The following GDF7 variants were observed in gnomAD, a reference collection of about 807,000 sequenced individuals.
GDF7 encodes growth differentiation factor 7.
GDF7 carries 12 observed loss-of-function variants against 13.4 expected under a neutral mutation model. That is an observed-to-expected ratio of 0.90 (90% CI 0.57 to 1.45). The LOEUF (loss-of-function observed/expected upper bound fraction) is 1.45. Among genes scored for constraint, GDF7 ranks in the 40% most tolerant of loss-of-function variants. The pLI is 0.00. For missense variants in GDF7, 651 were observed against 652.4 expected, an observed-to-expected ratio of 1.00 and a Z score of 0.02; for synonymous variants, 330 against 306.4, an observed-to-expected ratio of 1.08 and a Z score of -0.80.
chr2:20,670,697 G>C lies in GDF7; in HGVS notation c.625G>C (p.Glu209Gln). The C allele has an allele frequency of 6.7e-7, 1 of 1,487,394 alleles. No homozygotes were observed. Among genetic ancestry groups the C allele is most frequent in the Non-Finnish European group, 8.9e-7 (1 of 1,123,906 alleles). 92.1% of individuals were successfully genotyped at this position (1,487,394 alleles called of 1,614,324 possible). ...AAEPLVGQRW[E>Q]AFDVADAMRR... ...TGAGCCCCTAGTCGGTCAGCGCTGG[G>C]AGGCGTTCGACGTGGCGGACGCCAT... is the stretch of plus-strand genomic sequence containing the variant. Residue 209 changes from glutamate (E) to glutamine (Q), a missense_variant, in exon 2 of 2, where the codon GAG (glutamate) becomes CAG (glutamine). By Grantham distance (29) the Glu-to-Gln change is conservative. Around this residue, in one of 4 missense-constraint regions of GDF7, gnomAD observed 487 missense variants for 445.9 expected, o/e 1.09. Transcript: ENST00000272224.
rs562242918 is a variant in GDF7 at position 20,672,397 on chromosome 2, C to T, written c.*972C>T. On this transcript the variant is annotated 3_prime_UTR_variant, in exon 2 of 2. Coordinates refer to ENST00000272224, the MANE Select transcript of GDF7 (RefSeq NM_182828.4). Reference sequence around the variant, plus strand: ...TCCTAGAGACCTGCCAGGAGGTTTTCCTAAGAAGCCAGGGAAGAGGCTCTC... The same window carrying T: ...TCCTAGAGACCTGCCAGGAGGTTTTTCTAAGAAGCCAGGGAAGAGGCTCTC... 4 of 152,262 alleles carry T rather than the reference C, an allele frequency of 2.6e-5. No individual in the cohort carries two copies. The South Asian group carries it at 8.3e-4, about 32-fold the overall frequency. 9.4% of individuals were successfully genotyped at this position (152,262 alleles called of 1,614,324 possible).
At chr2:20,668,844 A>T (rs752922412) in intron 1 of GDF7, among the ~76,000 whole-genome samples, 1 of 152,198 alleles carries the variant, frequency 6.6e-6, no homozygotes, top group Non-Finnish European at 1.5e-5. Context: ...ACGGCCTGAC[A>T]TGGCCCCTGG....
chr2:20,674,185 ACC>A lies in GDF7; in HGVS notation c.*2762_*2763del, dbSNP rs1662181313. 1 of 152,072 alleles carries A rather than the reference ACC, an allele frequency of 6.6e-6. No individual in the cohort carries two copies. The highest frequency in any genetic ancestry group is 2.4e-5 in the African/African-American group (1 of 41,406). The allele number at this position is 152,072 out of a possible 1,614,324, so 9.4% of individuals were successfully genotyped here. A position where few individuals can be genotyped will look rare whatever the true frequency, so the allele number is the denominator to read the frequency against. ...GGACAGGCCTGGGTGACTGGCATGA[ACC>A]CAGCTTCTCTGTTGCAACCCCCAGC... is the stretch of plus-strand genomic sequence containing the variant. On this transcript the variant is annotated 3_prime_UTR_variant, in exon 2 of 2. Transcript: ENST00000272224.
intron 1 of GDF7, among the ~76,000 whole-genome samples, chr2:20,669,355 G>C (rs1662056041): frequency 6.6e-6 from 1 of 152,136 alleles, no homozygotes; most frequent in Admixed American, 6.5e-5. Context: ...TCCGAGTTTA[G>C]GGGCAAAACG....
In GDF7 at chr2:20,675,063, G is replaced by C. The variant is rs762233946; in HGVS notation, c.*3638G>C. On this transcript the variant is annotated 3_prime_UTR_variant, in exon 2 of 2. Coordinates refer to ENST00000272224, the MANE Select transcript of GDF7 (RefSeq NM_182828.4). Reference sequence around the variant, plus strand: ...GCACAGATAAGGTCAGACTTTTCCTGTGCTTGAATCTGGTCTCCAGGAAAT... The same window carrying C: ...GCACAGATAAGGTCAGACTTTTCCTCTGCTTGAATCTGGTCTCCAGGAAAT... 3 of 152,242 alleles carry C rather than the reference G, an allele frequency of 2.0e-5. No homozygotes were observed. Among genetic ancestry groups the C allele is most frequent in the Non-Finnish European group, 4.4e-5 (3 of 68,052 alleles). 9.4% of individuals were successfully genotyped at this position (152,242 alleles called of 1,614,324 possible).
In GDF7 at chr2:20,671,650, A is replaced by C; in HGVS notation, c.*225A>C. On this transcript the variant is annotated 3_prime_UTR_variant, in exon 2 of 2. Coordinates refer to ENST00000272224, the MANE Select transcript of GDF7 (RefSeq NM_182828.4). ...GGAAGAGATGACCTGCCGGTACCGA[A>C]TGTCAAAGCCCTGTGTATTTTGCAA... 6 of 555,612 alleles carry C rather than the reference A, an allele frequency of 1.1e-5. No homozygotes were observed. The highest frequency in any genetic ancestry group is 1.9e-5 in the Non-Finnish European group (6 of 310,184). 34.4% of individuals were successfully genotyped at this position (555,612 alleles called of 1,614,324 possible). A position where few individuals can be genotyped will look rare whatever the true frequency, so the allele number is the denominator to read the frequency against.
chr2:20,670,571 CCA>C lies in GDF7; in HGVS notation c.500_501del (p.Pro167ArgfsTer34). ...AELRVLRRGS[P>X]ESGPGSWTSP... The stretch of plus-strand genomic sequence containing the variant: ...GCTGCGCGTGCTGCGCCGGGGATCT[CCA>C]GAGTCGGGCCCAGGCAGCTGGACTT... On this transcript the variant is annotated frameshift_variant, in exon 2 of 2. Coordinates refer to ENST00000272224, the MANE Select transcript of GDF7 (RefSeq NM_182828.4). LOFTEE classifies it low-confidence loss of function (END_TRUNC). 1 of 1,605,982 alleles carries C rather than the reference CCA, an allele frequency of 6.2e-7. No homozygotes were observed. Among genetic ancestry groups the C allele is most frequent in the Non-Finnish European group, 8.5e-7 (1 of 1,177,542 alleles).
Position 20,676,232 on chromosome 2 carries a change from T to C in GDF7, c.*4807T>C, listed in dbSNP as rs1257788060. 1.3e-5 allele frequency: 2 copies of C among 152,098 alleles called. No homozygotes were observed. The highest frequency in any genetic ancestry group is 4.8e-5 in the African/African-American group (2 of 41,386). 9.4% of individuals were successfully genotyped at this position (152,098 alleles called of 1,614,324 possible). A position where few individuals can be genotyped will look rare whatever the true frequency, so the allele number is the denominator to read the frequency against. On this transcript the variant is annotated 3_prime_UTR_variant, in exon 2 of 2. Coordinates refer to ENST00000272224, the MANE Select transcript of GDF7 (RefSeq NM_182828.4). ...GTCCCCTTGCAGCTTCCCAGGGGAG[T>C]GACCCTGGGGTAGCATCAGAAGAGC...
rs537601708 is a variant in GDF7, at chr2:20,678,261, G to A, written c.*6836G>A. 1 of 152,342 alleles carries A rather than the reference G, an allele frequency of 6.6e-6. No homozygotes were observed. Among genetic ancestry groups the A allele is most frequent in the African/African-American group, 2.4e-5 (1 of 41,572 alleles). 9.4% of individuals were successfully genotyped at this position (152,342 alleles called of 1,614,324 possible). A position where few individuals can be genotyped will look rare whatever the true frequency, so the allele number is the denominator to read the frequency against. ...CATGGATTAAACATGAGCATCCTTA[G>A]AATAATTTTATTTTTGTATTTCACT... On this transcript the variant is annotated 3_prime_UTR_variant, in exon 2 of 2. Coordinates refer to ENST00000272224, the MANE Select transcript of GDF7 (RefSeq NM_182828.4).
rs1229705018 is a variant in GDF7, at chr2:20,675,344, G to C, written c.*3919G>C. ...GTGTCTGGATTGGGAAGGGAAGAGA[G>C]GAAGCTGCCGAGCGAACCCAGCAGC... On this transcript the variant is annotated 3_prime_UTR_variant, in exon 2 of 2. Coordinates refer to ENST00000272224, the MANE Select transcript of GDF7 (RefSeq NM_182828.4). 2.0e-5 allele frequency: 3 copies of C among 152,316 alleles called. No individual in the cohort carries two copies. The highest frequency in any genetic ancestry group is 6.5e-5 in the Admixed American group (1 of 15,284). 9.4% of individuals were successfully genotyped at this position (152,316 alleles called of 1,614,324 possible).
rs1186695349 is a variant in GDF7 at position 20,673,037 on chromosome 2, G to T, written c.*1612G>T. The T allele has an allele frequency of 6.6e-6, 1 of 152,032 alleles. No individual in the cohort carries two copies. The highest frequency in any genetic ancestry group is 1.5e-5 in the Non-Finnish European group (1 of 68,000). The allele number at this position is 152,032 out of a possible 1,614,324, so 9.4% of individuals were successfully genotyped here. On this transcript the variant is annotated 3_prime_UTR_variant, in exon 2 of 2. Coordinates refer to ENST00000272224, the MANE Select transcript of GDF7 (RefSeq NM_182828.4). ...GGACTTTCCCCTTCAGAGTCCTGGGGAGCATTATTTCCACCCTGTGTTGGA... is the reference window on the plus strand; with the variant it reads ...GGACTTTCCCCTTCAGAGTCCTGGGTAGCATTATTTCCACCCTGTGTTGGA...
In GDF7 at chr2:20,671,446, CA is replaced by C; in HGVS notation, c.*22del. 1 of 1,602,196 alleles carries C rather than the reference CA, an allele frequency of 6.2e-7. No homozygotes were observed. ...GGTAGCGCGAGGGCCGGGGAGGGGGCAGCCACGCGGCCGAGGATCCCCAGCT... is the reference window on the plus strand; with the variant it reads ...GGTAGCGCGAGGGCCGGGGAGGGGGCGCCACGCGGCCGAGGATCCCCAGCT... On this transcript the variant is annotated 3_prime_UTR_variant, in exon 2 of 2. Coordinates refer to ENST00000272224, the MANE Select transcript of GDF7 (RefSeq NM_182828.4).
Position 20,671,424 on chromosome 2 carries a change from A to G in GDF7, c.1352A>G (p.Ter451TrpextTer70). 4 of 1,602,004 alleles carry G rather than the reference A, an allele frequency of 2.5e-6. No homozygotes were observed. Among genetic ancestry groups the G allele is most frequent in the South Asian group, 2.2e-5 (2 of 90,142 alleles). ...GTGGTGGAGGCCTGCGGCTGCAGGT[A>G]GCGCGAGGGCCGGGGAGGGGGCAGC... Reference protein sequence around the residue: ...DMVVEACGCR* With the variant: ...DMVVEACGCRW The change falls in exon 2 of 2, where the codon TAG (stop) becomes TGG (tryptophan). Residue 451 changes from the stop codon to tryptophan (W), a stop_lost. Transcript: ENST00000272224.
At chr2:20,668,194 T>C (rs1696003045) in intron 1 of GDF7, among the ~76,000 whole-genome samples, 1 of 152,172 alleles carries the variant, frequency 6.6e-6, no homozygotes, top group African/African-American at 2.4e-5. Context: ...AGGAGTGCCC[T>C]GCTCAGCAGG....
intron 1 of GDF7, among the ~76,000 whole-genome samples, chr2:20,669,196 C>T (rs1662052134): frequency 6.6e-6 from 1 of 152,190 alleles, no homozygotes; most frequent in Non-Finnish European, 1.5e-5. Flanking sequence ...TCCGGCCTCC[C>T]TCTCCACCCT....
chr2:20,667,374 C>CGGCGGCGGT lies in GDF7; in HGVS notation c.143_144insTGGCGGCGG (p.Gly48_Gly50dup). The CGGCGGCGGT allele has an allele frequency of 1.0e-6, 1 of 960,194 alleles. No homozygotes were observed. Among genetic ancestry groups the CGGCGGCGGT allele is most frequent in the Non-Finnish European group, 1.2e-6 (1 of 810,102 alleles). The allele number at this position is 960,194 out of a possible 1,614,324, so 59.5% of individuals were successfully genotyped here. A position where few individuals can be genotyped will look rare whatever the true frequency, so the allele number is the denominator to read the frequency against. ...TCCGGAGCCCAGGGGGCGGCGGCGG[C>CGGCGGCGGT]GGCGGCGGCGGCGGGCGGACTCTTG... On this transcript the variant is annotated inframe_insertion, in exon 1 of 2. Transcript: ENST00000272224. This position sits in a 1 kb window ranked among gnomAD's most constrained non-coding sequence, Gnocchi z 6.4.
chr2:20,668,513 C>T (rs911091169), intron 1 of GDF7, among the ~76,000 whole-genome samples: 3 of 152,190 alleles, frequency 2.0e-5, no homozygotes, highest in African/African-American at 7.2e-5. Flanking sequence ...TAATTTCAGG[C>T]GGAAATGCAA....
Position 20,677,598 on chromosome 2 carries a change from G to A in GDF7, c.*6173G>A, listed in dbSNP as rs769593223. ...CATGGCTGACCAAAGCGAGACTTCC[G>A]AGTAAGGTTCGTTAACAGGCATCCT... On this transcript the variant is annotated 3_prime_UTR_variant, in exon 2 of 2. Coordinates refer to ENST00000272224, the MANE Select transcript of GDF7 (RefSeq NM_182828.4). The A allele has an allele frequency of 9.2e-5, 14 of 152,360 alleles. No homozygotes were observed. Among genetic ancestry groups the A allele is most frequent in the Admixed American group, 2.0e-4 (3 of 15,310 alleles). 9.4% of individuals were successfully genotyped at this position (152,360 alleles called of 1,614,324 possible).
In GDF7 at chr2:20,671,701, C is replaced by A; in HGVS notation, c.*276C>A. The A allele has an allele frequency of 2.2e-6, 1 of 449,516 alleles. No homozygotes were observed. Among genetic ancestry groups the A allele is most frequent in the South Asian group, 2.5e-5 (1 of 39,224 alleles). 27.8% of individuals were successfully genotyped at this position (449,516 alleles called of 1,614,324 possible). ...ACAGATAACCATGGCGCCCACTGCC[C>A]CCATTTAGGGAGAGGAAGGTGTTTG... On this transcript the variant is annotated 3_prime_UTR_variant, in exon 2 of 2. Coordinates refer to ENST00000272224, the MANE Select transcript of GDF7 (RefSeq NM_182828.4).
Sources: gnomAD v4.1 joint callset for allele counts (sites outside exome capture counted in the v4.1 genomes callset) on GRCh38, gnomAD v4.1.1 for gene constraint, gnomAD v4.1.1 regional missense constraint, Gnocchi (gnomAD v3.1) non-coding constraint, MANE v1.5 for transcripts, NCBI Gene and HGNC (gene_info 2026-07-23, HGNC 2026-07-21) for gene names.